The following FAM234B variants were observed in gnomAD, a reference collection of about 807,000 sequenced individuals.
FAM234B encodes family with sequence similarity 234 member B.
A neutral mutation model predicts 69.3 loss-of-function variants in FAM234B; 33 were observed. That is an observed-to-expected ratio of 0.48 (90% confidence interval 0.36 to 0.64). FAM234B has a LOEUF of 0.64. Among genes scored for constraint, FAM234B ranks in the 30% least tolerant of loss-of-function variants. The probability of loss-of-function intolerance (pLI) is 0.00; values close to 1 mark genes in which losing one functional copy is unlikely to be tolerated. For synonymous variants in FAM234B, 306 were observed against 306.9 expected, an observed-to-expected ratio of 1.00 and a Z score of 0.03; for missense variants, 697 against 769.7, an observed-to-expected ratio of 0.91 and a Z score of 1.12.
At chr12:13,070,330 G>A (rs939891199) in intron 9 of FAM234B, among the ~76,000 whole-genome samples, 3 of 151,844 alleles carry the variant, frequency 2.0e-5, no homozygotes, top group African/African-American at 4.8e-5. Flanking sequence ...TTCTCTGCTG[G>A]TTGAGAAGAT....
chr12:13,047,597 A>G (rs1270616214), intron 1 of FAM234B, among the ~76,000 whole-genome samples: 1 of 152,166 alleles, frequency 6.6e-6, no homozygotes, highest in Non-Finnish European at 1.5e-5. Context: ...TGGAAATCCT[A>G]TTATATTTAA....
Position 13,053,956 on chromosome 12 carries a change from C to T in FAM234B, c.38-1595C>T, listed in dbSNP as rs148005638. On this transcript the variant is annotated intron_variant, in intron 1 of 12. Coordinates refer to ENST00000197268, the MANE Select transcript of FAM234B (RefSeq NM_020853.2). ...GTGATATCTTCCCTACTTGCACATC[C>T]GTTTATAGGCTCTCTGCAAGAAGAA... 9.6e-3 allele frequency among the ~76,000 whole-genome samples: 1,456 copies of T among 152,318 alleles called. 8 individuals are homozygous for T. Among genetic ancestry groups the T allele is most frequent in the Non-Finnish European group, 0.016 (1,066 of 68,034 alleles).
rs771950877 is a variant in FAM234B, at chr12:13,080,037, C to T, written c.1863+28C>T. On this transcript the variant is annotated intron_variant, in intron 12 of 12. Transcript: ENST00000197268. Reference sequence around the variant, plus strand: ...GAGTGGCTGCAGAAATATTGTTCCTCTTGAGGGTTTAGGACAAATACTACC... The same window carrying T: ...GAGTGGCTGCAGAAATATTGTTCCTTTTGAGGGTTTAGGACAAATACTACC... 4 of 1,513,938 alleles carry T rather than the reference C, an allele frequency of 2.6e-6. No homozygotes were observed. In the South Asian group the frequency reaches 5.1e-5, roughly 19 times the overall value. 93.8% of individuals were successfully genotyped at this position (1,513,938 alleles called of 1,614,324 possible).
chr12:13,046,867 T>A (rs560592833), intron 1 of FAM234B, among the ~76,000 whole-genome samples: 1 of 152,354 alleles, frequency 6.6e-6, no homozygotes, highest in South Asian at 2.1e-4. Context: ...AGTTACTTAA[T>A]CTCTTTAAGC....
chr12:13,060,773 A>G (rs1172785883), intron 3 of FAM234B, among the ~76,000 whole-genome samples: 1 of 152,232 alleles, frequency 6.6e-6, no homozygotes, highest in Admixed American at 6.5e-5. Flanking sequence ...ACGTGTCCCT[A>G]TCCTGAGAGT....
At chr12:13,058,987 C>T (rs746565085) in intron 3 of FAM234B, among the ~76,000 whole-genome samples, 1 of 152,182 alleles carries the variant, frequency 6.6e-6, no homozygotes, top group Non-Finnish European at 1.5e-5. Context: ...ACCTCTTGGC[C>T]GGGTGTTTTC....
At chr12:13,076,811 C>A (rs2120507767) in intron 11 of FAM234B, among the ~76,000 whole-genome samples, 1 of 152,378 alleles carries the variant, frequency 6.6e-6, no homozygotes, top group South Asian at 2.1e-4. Flanking sequence ...GGATTGCAGC[C>A]TCTGCTGCCT....
intron 11 of FAM234B, among the ~76,000 whole-genome samples, chr12:13,077,988 G>T (rs1591603745): frequency 2.0e-5 from 3 of 151,032 alleles, no homozygotes; most frequent in Admixed American, 2.0e-4. Flanking sequence ...GTATCTCATT[G>T]TGGTTTTGAT....
In FAM234B at chr12:13,067,394, G is replaced by C; in HGVS notation, c.1142+98G>C. On this transcript the variant is annotated intron_variant, in intron 7 of 12. Coordinates refer to ENST00000197268, the MANE Select transcript of FAM234B (RefSeq NM_020853.2). The surrounding 1 kb of genome is among the most constrained non-coding windows in gnomAD (Gnocchi z 4.7). The stretch of plus-strand genomic sequence containing the variant: ...GGTTGGGCTGGTGAATATGTGGGTA[G>C]AGGTTTAGGGGAAACAGTGCTTATC... 8.0e-7 allele frequency: 1 copy of C among 1,256,184 alleles called. No homozygotes were observed. Among genetic ancestry groups the C allele is most frequent in the Non-Finnish European group, 1.1e-6 (1 of 873,884 alleles). The allele number at this position is 1,256,184 out of a possible 1,614,324, so 77.8% of individuals were successfully genotyped here.
Position 13,062,888 on chromosome 12 carries a change from T to G in FAM234B, c.765T>G (p.Gly255=), listed in dbSNP as rs752664018. 16 of 1,614,074 alleles carry G rather than the reference T, an allele frequency of 9.9e-6. 1 individual carries two copies. In the South Asian group the frequency reaches 1.6e-4, roughly 17 times the overall value. ...WTLNPNYLSN[G]TLAAPVVVLP... is the part of the protein sequence containing the mutation. ...TAAACCCAAACTACTTGTCCAACGG[T>G]ACCTTGGCTGCCCCAGTTGTGGTAC... is the stretch of plus-strand genomic sequence containing the variant. Residue 255 remains glycine, a synonymous_variant, in exon 5 of 13, where the codon GGT becomes GGG. Transcript: ENST00000197268.
chr12:13,052,452 A>G (rs1248996389), intron 1 of FAM234B, among the ~76,000 whole-genome samples: 3 of 152,076 alleles, frequency 2.0e-5, no homozygotes, highest in Admixed American at 1.3e-4. Flanking sequence ...AACATTTTAA[A>G]TTGTCAAAAA....
chr12:13,077,092 C>T (rs1468109486), intron 11 of FAM234B, among the ~76,000 whole-genome samples: 5 of 152,016 alleles, frequency 3.3e-5, no homozygotes, highest in Non-Finnish European at 7.4e-5. Context: ...CACACCTGTC[C>T]ACTGATTGGG....
At position 13,079,960 on chromosome 12, in the gene FAM234B, A is replaced by T. The variant is rs766501274; in HGVS notation, c.1814A>T (p.Glu605Val). The change falls in exon 12 of 13, where the codon GAG becomes GTG. Residue 605 changes from glutamate (E) to valine (V), a missense_variant. Physicochemically the swap from Glu to Val is moderately radical, Grantham distance 121. Around this residue, in one of 3 missense-constraint regions of FAM234B, gnomAD observed 313 missense variants for 305.5 expected, o/e 1.02. Coordinates refer to ENST00000197268, the MANE Select transcript of FAM234B (RefSeq NM_020853.2). ...TCCACCCCCAAAATTGGCCGTGGGG[A>T]GCTGCGAAGATTTCTCTCTAGGATA... ...QESTPKIGRG[E>V]LRRFLSRIKF... The T allele has an allele frequency of 6.2e-7, 1 of 1,612,410 alleles. No homozygotes were observed. Among genetic ancestry groups the T allele is most frequent in the Non-Finnish European group, 8.5e-7 (1 of 1,179,288 alleles).
chr12:13,059,884 C>T (rs1864967545), intron 3 of FAM234B, among the ~76,000 whole-genome samples: 1 of 152,206 alleles, frequency 6.6e-6, no homozygotes, highest in Non-Finnish European at 1.5e-5. Flanking sequence ...CATTTGGTAT[C>T]TTACGTAGTT....
chr12:13,078,338 C>T (rs1865184745), intron 11 of FAM234B, among the ~76,000 whole-genome samples: 1 of 152,130 alleles, frequency 6.6e-6, no homozygotes, highest in Non-Finnish European at 1.5e-5. Flanking sequence ...ACATGAAGTC[C>T]TTGCCCATGC....
chr12:13,058,602 A>G, intron 3 of FAM234B, 53 bp downstream of exon 3: 3 of 1,441,552 alleles, frequency 2.1e-6, no homozygotes, highest in Non-Finnish European at 2.9e-6. Context: ...CAGCTAGGAG[A>G]AAACATCAGA....
chr12:13,067,359 C>A lies in FAM234B; in HGVS notation c.1142+63C>A. 6.3e-7 allele frequency: 1 copy of A among 1,578,434 alleles called. No individual in the cohort carries two copies. Among genetic ancestry groups the A allele is most frequent in the East Asian group, 2.2e-5 (1 of 44,522 alleles). On this transcript the variant is annotated intron_variant, in intron 7 of 12. Coordinates refer to ENST00000197268, the MANE Select transcript of FAM234B (RefSeq NM_020853.2). The surrounding 1 kb of genome is among the most constrained non-coding windows in gnomAD (Gnocchi z 4.7). ...CTTGTGAACTCACATGCCTTTGAGT[C>A]TCTAAGTTTGGTTGGGCTGGTGAAT...
chr12:13,055,968 C>T, intron 2 of FAM234B, 22 bp downstream of exon 2: 1 of 1,515,422 alleles, frequency 6.6e-7, no homozygotes, highest in Middle Eastern at 1.8e-4. Flanking sequence ...AATCTTCAGC[C>T]CTAATCCTGT....
chr12:13,075,443 T>A (rs1050311504), intron 10 of FAM234B, among the ~76,000 whole-genome samples: 1 of 149,006 alleles, frequency 6.7e-6, no homozygotes, highest in Admixed American at 6.7e-5. Flanking sequence ...CTTTTTTTTT[T>A]TTTTTATTTT....
Sources: allele counts gnomAD v4.1 joint callset (sites outside exome capture counted in the v4.1 genomes callset), GRCh38; gene constraint gnomAD v4.1.1; regional missense constraint gnomAD v4.1.1; non-coding constraint Gnocchi (gnomAD v3.1); transcripts MANE v1.5; gene names NCBI Gene and HGNC (gene_info 2026-07-23, HGNC 2026-07-21).